The following CNNM2 variants were observed in gnomAD, a reference collection of about 807,000 sequenced individuals.
CNNM2 encodes the protein cyclin and CBS domain divalent metal cation transport mediator 2.
CNNM2 carries 12 observed loss-of-function variants against 66.9 expected under a neutral mutation model. The ratio of observed to expected loss-of-function variants is 0.18; its 90% confidence interval spans 0.11 to 0.29. CNNM2 has a LOEUF of 0.29. Ranked by LOEUF, CNNM2 falls within the 10% of genes least tolerant of loss-of-function variation. The pLI is 1.00. For synonymous variants in CNNM2, 557 were observed against 501.8 expected (o/e 1.11, Z -1.47); for missense variants, 705 against 1,167.7 (o/e 0.60, Z 5.77).
rs1554904148 is a variant in CNNM2 at position 103,052,295 on chromosome 10, A to AC, written c.1766-2034_1766-2033insC. On this transcript the variant is annotated intron_variant, in intron 2 of 7. Transcript: ENST00000369878. ...AATCCGTCTCAAAAAAAAAAACAAAAAAAAAAAAACCCAAACCGAGTGTGT... is the reference window on the plus strand; with the variant it reads ...AATCCGTCTCAAAAAAAAAAACAAAACAAAAAAAAACCCAAACCGAGTGTGT... 6.2e-4 allele frequency among the ~76,000 whole-genome samples: 94 copies of AC among 150,870 alleles called. 1 individual carries two copies. Among genetic ancestry groups the AC allele is most frequent in the African/African-American group, 2.2e-3 (92 of 40,986 alleles).
Position 102,919,776 on chromosome 10 carries a change from G to C in CNNM2, c.1296G>C (p.Leu432=). 7 of 1,614,250 alleles carry C rather than the reference G, an allele frequency of 4.3e-6. No individual in the cohort carries two copies. Among genetic ancestry groups the C allele is most frequent in the Non-Finnish European group, 5.9e-6 (7 of 1,180,052 alleles). The change falls in exon 1 of 8, where the codon CTG becomes CTC. Residue 432 remains leucine (L), a synonymous_variant. Coordinates refer to ENST00000369878, the MANE Select transcript of CNNM2 (RefSeq NM_017649.5). ...ACAACGACCTCGTTAAGGAGGAGCT[G>C]AACATCATCCAAGGGGCGCTGGAGC... ...DPYNDLVKEE[L]NIIQGALELR...
chr10:102,928,258 C>CTGTA (rs1391461163), intron 1 of CNNM2, among the ~76,000 whole-genome samples: 1 of 152,076 alleles, frequency 6.6e-6, no homozygotes, highest in Non-Finnish European at 1.5e-5. Context: ...GTTTGTGCTG[C>CTGTA]TGTAACAAAA....
At chr10:103,013,334 T>C (rs953784296) in intron 1 of CNNM2, among the ~76,000 whole-genome samples, 9 of 152,202 alleles carry the variant, frequency 5.9e-5, no homozygotes, top group African/African-American at 4.8e-5. Flanking sequence ...AATTAAGATA[T>C]ACAAACACAT....
intron 1 of CNNM2, among the ~76,000 whole-genome samples, chr10:103,020,398 C>T (rs556373374): frequency 2.6e-5 from 4 of 152,246 alleles, no homozygotes; most frequent in East Asian, 1.9e-4. Flanking sequence ...TCAGGTGATC[C>T]GCTTGCGTCA....
intron 1 of CNNM2, among the ~76,000 whole-genome samples, chr10:102,991,949 G>T (rs2063905484): frequency 2.0e-5 from 3 of 152,006 alleles, no homozygotes; most frequent in Non-Finnish European, 4.4e-5. Flanking sequence ...TCAGCTGTAT[G>T]AACTATTACA....
intron 4 of CNNM2, among the ~76,000 whole-genome samples, chr10:103,064,436 C>A (rs957884811): frequency 2.6e-5 from 4 of 152,202 alleles, no homozygotes; most frequent in Non-Finnish European, 4.4e-5. Flanking sequence ...CTATTTCGCC[C>A]AGGCTAGTCT....
chr10:103,000,934 C>G (rs2064107631), intron 1 of CNNM2, among the ~76,000 whole-genome samples: 1 of 152,122 alleles, frequency 6.6e-6, no homozygotes. Flanking sequence ...AGAAGCCAAC[C>G]AACTGTCCAT....
At chr10:102,949,178 A>G (rs1238126754) in intron 1 of CNNM2, among the ~76,000 whole-genome samples, 1 of 151,998 alleles carries the variant, frequency 6.6e-6, no homozygotes, top group African/African-American at 2.4e-5. Context: ...ACTAGATACC[A>G]TTTATTTATT....
intron 2 of CNNM2, among the ~76,000 whole-genome samples, chr10:103,052,291 CAAA>C (rs796393539): frequency 7.6e-6 from 1 of 131,194 alleles, no homozygotes; most frequent in African/African-American, 2.7e-5. Context: ...AAAAAAAAAA[CAAA>C]AAAAAAAAAA....
chr10:103,056,006 T>G (rs528349595), intron 3 of CNNM2, among the ~76,000 whole-genome samples: 1 of 151,722 alleles, frequency 6.6e-6, no homozygotes, highest in Non-Finnish European at 1.5e-5. Context: ...AAGAATCACT[T>G]GAACCCGGGA....
chr10:102,994,716 C>T (rs2063957344), intron 1 of CNNM2, among the ~76,000 whole-genome samples: 1 of 152,250 alleles, frequency 6.6e-6, no homozygotes, highest in Non-Finnish European at 1.5e-5. Context: ...ATACCCAGGC[C>T]TTGCCTCTGA....
intron 1 of CNNM2, among the ~76,000 whole-genome samples, chr10:102,973,651 C>T (rs968920814): frequency 1.1e-4 from 17 of 152,086 alleles, no homozygotes; most frequent in African/African-American, 3.9e-4. Context: ...GCCACTGTGC[C>T]TGGCCTTATG....
At chr10:102,974,045 A>G (rs1590334001) in intron 1 of CNNM2, among the ~76,000 whole-genome samples, 1 of 152,238 alleles carries the variant, frequency 6.6e-6, no homozygotes, top group East Asian at 1.9e-4. Context: ...CTGGGGTTTT[A>G]AGAAAGGCAT....
chr10:102,976,680 C>G (rs1181203016), intron 1 of CNNM2, among the ~76,000 whole-genome samples: 1 of 126,562 alleles, frequency 7.9e-6, no homozygotes, highest in Non-Finnish European at 1.6e-5. Context: ...GTTGACCAGG[C>G]TGGTCTTGAA....
chr10:103,089,761 G>T lies in CNNM2; in HGVS notation c.*12581G>T. 2 of 1,614,060 alleles carry T rather than the reference G, an allele frequency of 1.2e-6. No homozygotes were observed. Among genetic ancestry groups the T allele is most frequent in the Non-Finnish European group, 1.7e-6 (2 of 1,180,002 alleles). On this transcript the variant is annotated 3_prime_UTR_variant, in exon 8 of 8. Transcript: ENST00000369878. ...GGGGCCAGTGGGAAGAGGTTGGGAGGTTTAATCTCACTAATTGACCGTGTC... is the reference window on the plus strand; with the variant it reads ...GGGGCCAGTGGGAAGAGGTTGGGAGTTTTAATCTCACTAATTGACCGTGTC...
At chr10:102,944,202 C>CG (rs1455768502) in intron 1 of CNNM2, among the ~76,000 whole-genome samples, 1 of 151,848 alleles carries the variant, frequency 6.6e-6, no homozygotes, top group Non-Finnish European at 1.5e-5. Context: ...TCTCAGCCCC[C>CG]CGAGTAGCTA....
At chr10:103,044,024 A>G (rs1432230159) in intron 1 of CNNM2, among the ~76,000 whole-genome samples, 2 of 152,194 alleles carry the variant, frequency 1.3e-5, no homozygotes, top group South Asian at 2.1e-4. Context: ...TTTATGCTTT[A>G]TTTGATCTAT....
Position 103,089,865 on chromosome 10 carries a change from T to C in CNNM2, c.*12685T>C, listed in dbSNP as rs2066237773. The C allele has an allele frequency of 2.5e-6, 4 of 1,613,718 alleles. No homozygotes were observed. Among genetic ancestry groups the C allele is most frequent in the African/African-American group, 1.3e-5 (1 of 74,892 alleles). On this transcript the variant is annotated 3_prime_UTR_variant, in exon 8 of 8. Coordinates refer to ENST00000369878, the MANE Select transcript of CNNM2 (RefSeq NM_017649.5). ...GGTGGCAAGAGGAGACTCCATCTCA[T>C]TGATATCTACGTGTGTGTGCTCCAC... is the stretch of plus-strand genomic sequence containing the variant.
intron 1 of CNNM2, among the ~76,000 whole-genome samples, chr10:102,953,251 T>C (rs897839278): frequency 1.3e-5 from 2 of 152,146 alleles, no homozygotes; most frequent in Non-Finnish European, 2.9e-5. Flanking sequence ...TGATAATAAT[T>C]GTAGCTTCAT....
Sources: gnomAD v4.1 joint callset for allele counts (sites outside exome capture counted in the v4.1 genomes callset) on GRCh38, gnomAD v4.1.1 for gene constraint, MANE v1.5 for transcripts, NCBI Gene and HGNC (gene_info 2026-07-23, HGNC 2026-07-21) for gene names.